The following NLGN1 variants were observed in gnomAD, a reference collection of about 807,000 sequenced individuals.
The protein encoded by NLGN1 is neuroligin 1.
A neutral mutation model predicts 65.5 loss-of-function variants in NLGN1; 12 were observed. That is an observed-to-expected ratio of 0.18 (90% confidence interval 0.12 to 0.30). NLGN1 has a LOEUF of 0.30. Among genes scored for constraint, NLGN1 ranks in the 10% least tolerant of loss-of-function variants. The probability of loss-of-function intolerance (pLI) is 1.00; values close to 1 mark genes in which losing one functional copy is unlikely to be tolerated. For missense variants in NLGN1, 750 were observed against 1,007.1 expected (o/e 0.74, Z 3.46); for synonymous variants, 350 against 359.5 (o/e 0.97, Z 0.30).
chr3:174,052,070 T>C (rs992218168), intron 4 of NLGN1, among the ~76,000 whole-genome samples: 10 of 152,096 alleles, frequency 6.6e-5, no homozygotes, highest in Non-Finnish European at 1.5e-4. Flanking sequence ...CAAGTGATTC[T>C]TCAGTAAAAT....
At chr3:173,755,368 A>T (rs1038192958) in intron 3 of NLGN1, among the ~76,000 whole-genome samples, 33 of 152,188 alleles carry the variant, frequency 2.2e-4, no homozygotes, top group African/African-American at 8.0e-4. Context: ...GAGTTTACAG[A>T]AAGATATGGT....
chr3:173,686,413 A>G (rs1307349764), intron 3 of NLGN1, among the ~76,000 whole-genome samples: 1 of 152,084 alleles, frequency 6.6e-6, no homozygotes, highest in Non-Finnish European at 1.5e-5. Context: ...TTCTCCTTAA[A>G]TTAGAATTAC....
rs534871193 is a variant in NLGN1 at position 174,283,123 on chromosome 3, TAAAAAAAGA to T, written c.*1836_*1844del. 2.5e-4 allele frequency: 37 copies of T among 150,636 alleles called. 1 individual carries two copies. The highest frequency in any genetic ancestry group is 6.6e-4 in the Admixed American group (10 of 15,052). 9.3% of individuals were successfully genotyped at this position (150,636 alleles called of 1,614,324 possible). A position where few individuals can be genotyped will look rare whatever the true frequency, so the allele number is the denominator to read the frequency against. On this transcript the variant is annotated 3_prime_UTR_variant, in exon 7 of 7. Coordinates refer to ENST00000457714, the Ensembl canonical transcript of NLGN1. ...ATTGCTGTTTTGTCTTTCTTTTTTC[TAAAAAAAGA>T]AAAAAAAGAAAAAAAGGAAAAGAAG...
chr3:174,165,725 G>T (rs1428959118), intron 4 of NLGN1, among the ~76,000 whole-genome samples: 1 of 152,058 alleles, frequency 6.6e-6, no homozygotes, highest in East Asian at 1.9e-4. Flanking sequence ...AAGAGTTACA[G>T]AGGAGACTCT....
At chr3:173,744,403 G>A (rs1024328269) in intron 3 of NLGN1, among the ~76,000 whole-genome samples, 3 of 152,124 alleles carry the variant, frequency 2.0e-5, no homozygotes, top group Non-Finnish European at 4.4e-5. Flanking sequence ...CTCACTGGGA[G>A]CATATTTCCT....
At chr3:173,789,609 A>G (rs1712194761) in intron 3 of NLGN1, among the ~76,000 whole-genome samples, 1 of 152,154 alleles carries the variant, frequency 6.6e-6, no homozygotes, top group Admixed American at 6.5e-5. Context: ...TCAAACTAGA[A>G]CCCAAGGCTT....
chr3:174,292,630 A>G, the NLGN1 span, among the ~76,000 whole-genome samples: 1 of 150,450 alleles, frequency 6.6e-6, no homozygotes, highest in Admixed American at 6.6e-5. Flanking sequence ...TCCACCAACT[A>G]TACAGCAAGG....
At chr3:173,896,370 TA>T (rs1274411854) in intron 4 of NLGN1, among the ~76,000 whole-genome samples, 1 of 152,158 alleles carries the variant, frequency 6.6e-6, no homozygotes, top group Non-Finnish European at 1.5e-5. Context: ...TAGTGTAGAA[TA>T]AAAGTCTCTC....
chr3:173,860,236 A>G (rs1728797238), intron 4 of NLGN1, among the ~76,000 whole-genome samples: 8 of 152,136 alleles, frequency 5.3e-5, no homozygotes, highest in African/African-American at 1.9e-4. Flanking sequence ...ATGTGTCCCA[A>G]ATATTTTTAT....
chr3:174,043,811 G>T (rs1352168746), intron 4 of NLGN1, among the ~76,000 whole-genome samples: 2 of 152,336 alleles, frequency 1.3e-5, no homozygotes, highest in East Asian at 1.9e-4. Context: ...GCTGCAGTAG[G>T]CAGTGTCCCC....
At chr3:173,989,736 A>T (rs62292103) in intron 4 of NLGN1, among the ~76,000 whole-genome samples, 2 of 152,090 alleles carry the variant, frequency 1.3e-5, no homozygotes, top group Non-Finnish European at 2.9e-5. Context: ...GTAATCAAAG[A>T]CCTTCTCCTC....
At chr3:173,915,834 C>G (rs1038553244) in intron 4 of NLGN1, among the ~76,000 whole-genome samples, 5 of 151,004 alleles carry the variant, frequency 3.3e-5, no homozygotes, top group Non-Finnish European at 5.9e-5. Context: ...TTTCAAGGAC[C>G]ATGTAGCTTT....
intron 3 of NLGN1, among the ~76,000 whole-genome samples, chr3:173,796,327 T>G (rs1372245120): frequency 1.3e-5 from 2 of 152,124 alleles, no homozygotes; most frequent in Non-Finnish European, 2.9e-5. Flanking sequence ...TACTCCCTTT[T>G]TAAAAAATAA....
chr3:174,288,450 C>T (rs755884390), downstream of NLGN1, among the ~76,000 whole-genome samples: 13 of 151,460 alleles, frequency 8.6e-5, no homozygotes, highest in Non-Finnish European at 1.8e-4. Context: ...CAGCTGGCTG[C>T]ATTTTGGACT....
At chr3:173,636,164 C>A (rs576884605) in intron 3 of NLGN1, among the ~76,000 whole-genome samples, 1 of 152,116 alleles carries the variant, frequency 6.6e-6, no homozygotes, top group East Asian at 1.9e-4. Context: ...AATTAGTTGG[C>A]GAAAGAGGAA....
intron 2 of NLGN1, among the ~76,000 whole-genome samples, chr3:173,485,085 G>A (rs186498414): frequency 3.0e-5 from 4 of 132,952 alleles, no homozygotes; most frequent in African/African-American, 1.2e-4. Context: ...GTAAGGAGGA[G>A]CAAGTCATAC....
intron 3 of NLGN1, among the ~76,000 whole-genome samples, chr3:173,782,301 A>G (rs1179996577): frequency 1.3e-5 from 2 of 152,202 alleles, no homozygotes; most frequent in African/African-American, 4.8e-5. Context: ...AATTCCTGCA[A>G]GCAACATAGA....
intron 4 of NLGN1, among the ~76,000 whole-genome samples, chr3:174,266,233 G>A (rs566921116): frequency 2.0e-5 from 3 of 151,804 alleles, no homozygotes; most frequent in Non-Finnish European, 4.4e-5. Context: ...AGTAGGCCCT[G>A]GTGTCTATAG....
chr3:173,587,827 G>C (rs1316959133), intron 2 of NLGN1, among the ~76,000 whole-genome samples: 1 of 149,566 alleles, frequency 6.7e-6, no homozygotes, highest in Non-Finnish European at 1.5e-5. Context: ...AGCTGCACCT[G>C]TCCCTCAAAA....
Sources: allele counts gnomAD v4.1 joint callset (sites outside exome capture counted in the v4.1 genomes callset), GRCh38; gene constraint gnomAD v4.1.1; transcripts MANE v1.5; gene names NCBI Gene and HGNC (gene_info 2026-07-23, HGNC 2026-07-21).